LARGE1: variants seen among roughly 807,000 people sequenced by gnomAD.
The protein encoded by LARGE1 is xylosyl- and glucuronyltransferase LARGE1.
A neutral mutation model predicts 87.6 loss-of-function variants in LARGE1; 43 were observed. That is an observed-to-expected ratio of 0.49 (90% CI 0.38 to 0.63). The LOEUF is 0.63. LARGE1 is among the 30% of genes least tolerant of loss of function. LARGE1 has a pLI of 0.00. For synonymous variants in LARGE1, 434 were observed against 394.6 expected (o/e 1.10, Z -1.18); for missense variants, 802 against 1,000.2 (o/e 0.80, Z 2.67).
chr22:33,246,879 G>A (rs898315745), intron 11 of LARGE1, among the ~76,000 whole-genome samples: 1 of 152,172 alleles, frequency 6.6e-6, no homozygotes, highest in Admixed American at 6.5e-5. Flanking sequence ...TGTGAGCCAT[G>A]AGAAGAACAG....
intron 11 of LARGE1, among the ~76,000 whole-genome samples, chr22:33,170,423 T>G (rs1257470300): frequency 9.9e-5 from 15 of 152,100 alleles, no homozygotes; most frequent in Admixed American, 5.2e-4. Flanking sequence ...AGAGCTAGCT[T>G]GATATGGTTT....
intron 5 of LARGE1, among the ~76,000 whole-genome samples, chr22:33,601,139 C>T (rs904758990): frequency 1.3e-5 from 2 of 152,098 alleles, no homozygotes; most frequent in African/African-American, 2.4e-5. Flanking sequence ...AAGGTTTTAC[C>T]CAGAGGAAAA....
intron 2 of LARGE1, among the ~76,000 whole-genome samples, chr22:33,739,187 C>T (rs563152915): frequency 1.3e-5 from 2 of 152,176 alleles, no homozygotes; most frequent in Admixed American, 6.5e-5. Context: ...TCACTGGGCA[C>T]GTGTAGAAAC....
intron 3 of LARGE1, among the ~76,000 whole-genome samples, chr22:33,636,013 C>T (rs2080256275): frequency 6.6e-6 from 1 of 152,130 alleles, no homozygotes; most frequent in Non-Finnish European, 1.5e-5. Flanking sequence ...CTTGGTGTCC[C>T]CTCCACGGCA....
chr22:33,603,313 A>G (rs945896008), intron 5 of LARGE1, among the ~76,000 whole-genome samples: 39 of 152,346 alleles, frequency 2.6e-4, no homozygotes, highest in African/African-American at 8.2e-4. Context: ...GTCCTTCCCA[A>G]GGTGATCAGA....
intron 1 of LARGE1, among the ~76,000 whole-genome samples, chr22:33,875,277 G>T (rs1311775125): frequency 6.6e-6 from 1 of 152,172 alleles, no homozygotes; most frequent in East Asian, 1.9e-4. Context: ...CAGGCTGCGG[G>T]AACTGCCTGC....
At chr22:33,775,869 GACTC>G (rs1601589104) in intron 1 of LARGE1, among the ~76,000 whole-genome samples, 1 of 101,246 alleles carries the variant, frequency 9.9e-6, no homozygotes, top group African/African-American at 4.3e-5. Flanking sequence ...AAAAAAAAAA[GACTC>G]AGGAGGGTGG....
chr22:33,319,821 C>T (rs949621382), intron 10 of LARGE1, among the ~76,000 whole-genome samples: 1 of 152,266 alleles, frequency 6.6e-6, no homozygotes, highest in Non-Finnish European at 1.5e-5. Context: ...TATTGAAGGA[C>T]AATCAACCTC....
At chr22:33,694,642 T>C (rs560687476) in intron 2 of LARGE1, among the ~76,000 whole-genome samples, 33 of 152,054 alleles carry the variant, frequency 2.2e-4, no homozygotes, top group Non-Finnish European at 4.6e-4. Flanking sequence ...CAGCTAAGAG[T>C]TGTCCATGAC....
chr22:33,297,037 T>C (rs977739592), intron 12 of LARGE1, among the ~76,000 whole-genome samples: 59 of 152,294 alleles, frequency 3.9e-4, no homozygotes, highest in African/African-American at 1.4e-3. Flanking sequence ...ATGTTATAGA[T>C]ACAGCAGAGT....
chr22:33,714,941 C>T (rs1373152036), intron 2 of LARGE1, among the ~76,000 whole-genome samples: 2 of 152,204 alleles, frequency 1.3e-5, no homozygotes, highest in Admixed American at 6.5e-5. Context: ...CCTTTGGAGG[C>T]ATGCTGCCAG....
intron 13 of LARGE1, among the ~76,000 whole-genome samples, chr22:33,281,455 C>T (rs1368187954): frequency 6.6e-6 from 1 of 152,032 alleles, no homozygotes; most frequent in Non-Finnish European, 1.5e-5. Flanking sequence ...AACACAGGTT[C>T]CTCAGACCTG....
chr22:33,828,346 G>A (rs2062859032), intron 1 of LARGE1, among the ~76,000 whole-genome samples: 2 of 152,344 alleles, frequency 1.3e-5, no homozygotes, highest in South Asian at 4.1e-4. Context: ...CCTCTTCAAG[G>A]AAGGCAGACA....
intron 6 of LARGE1, among the ~76,000 whole-genome samples, chr22:33,502,595 G>A (rs1273335421): frequency 6.6e-6 from 1 of 152,046 alleles, no homozygotes; most frequent in African/African-American, 2.4e-5. Flanking sequence ...TTGAGACAGA[G>A]TCTGGCTCTG....
intron 2 of LARGE1, among the ~76,000 whole-genome samples, chr22:33,742,768 T>C (rs2083934597): frequency 6.6e-6 from 1 of 152,214 alleles, no homozygotes; most frequent in African/African-American, 2.4e-5. Context: ...TCCCTATCTT[T>C]CTTTCCAAAT....
intron 1 of LARGE1, among the ~76,000 whole-genome samples, chr22:33,789,766 T>C (rs1349899198): frequency 6.6e-6 from 1 of 152,192 alleles, no homozygotes; most frequent in Non-Finnish European, 1.5e-5. Context: ...AGTTCCTTCA[T>C]TTTGGCCAAT....
intron 11 of LARGE1, among the ~76,000 whole-genome samples, chr22:33,203,919 T>C (rs1449892455): frequency 6.6e-6 from 1 of 152,130 alleles, no homozygotes; most frequent in Non-Finnish European, 1.5e-5. Flanking sequence ...TAAAGGTGGG[T>C]GTCAACATTT....
chr22:33,413,083 T>G (rs1018552492), intron 7 of LARGE1, among the ~76,000 whole-genome samples: 2 of 152,202 alleles, frequency 1.3e-5, no homozygotes, highest in Non-Finnish European at 2.9e-5. Context: ...CTAGACTATT[T>G]TTGTCCTTTA....
chr22:33,592,506 C>A (rs927568451), intron 5 of LARGE1, among the ~76,000 whole-genome samples: 20 of 152,110 alleles, frequency 1.3e-4, no homozygotes, highest in Admixed American at 1.2e-3. Flanking sequence ...TAAGTTACCC[C>A]ACAAAATCCA....
Sources: allele counts gnomAD v4.1 joint callset (sites outside exome capture counted in the v4.1 genomes callset), GRCh38; gene constraint gnomAD v4.1.1; transcripts MANE v1.5; gene names NCBI Gene and HGNC (gene_info 2026-07-23, HGNC 2026-07-21).